Variants in MDN1 observed in about 807,000 individuals in gnomAD.
MDN1 encodes midasin AAA ATPase 1.
Under a neutral mutation model 669.2 loss-of-function variants are expected in MDN1, and 266 were observed. That is an observed-to-expected ratio of 0.40 (90% CI 0.36 to 0.44). MDN1 has a LOEUF of 0.44. MDN1 is among the 20% of genes least tolerant of loss of function. The probability of loss-of-function intolerance (pLI) is 1.00; values close to 1 mark genes in which losing one functional copy is unlikely to be tolerated. For synonymous variants in MDN1, 2,385 were observed against 2,457.1 expected, an observed-to-expected ratio of 0.97 and a Z score of 0.87; for missense variants, 5,940 against 6,754.0, an observed-to-expected ratio of 0.88 and a Z score of 4.22.
At chr6:89,781,301 A>C in intron 10 of MDN1, 98 bp downstream of exon 10, 1 of 1,247,758 alleles carries the variant, frequency 8.0e-7, no homozygotes. Context: ...GAGTGAGCCA[A>C]AACTGCACCA....
chr6:89,648,615 C>T (rs1239688404), intron 97 of MDN1, among the ~76,000 whole-genome samples: 1 of 151,834 alleles, frequency 6.6e-6, no homozygotes, highest in Non-Finnish European at 1.5e-5. Context: ...CACCTGTAAT[C>T]CCAGCACTTT....
chr6:89,802,426 T>C (rs1015778750), intron 2 of MDN1, among the ~76,000 whole-genome samples: 14 of 152,260 alleles, frequency 9.2e-5, no homozygotes, highest in Non-Finnish European at 2.9e-5. Context: ...GGCTCACGCC[T>C]GTAATCCCAA....
At chr6:89,817,887 C>G (rs1023270998) in intron 1 of MDN1, among the ~76,000 whole-genome samples, 6 of 152,174 alleles carry the variant, frequency 3.9e-5, no homozygotes, top group Non-Finnish European at 7.3e-5. Context: ...TTAGCAGCGT[C>G]CCTGGCCTTG....
At chr6:89,734,971 A>T (rs766254379) in intron 33 of MDN1, among the ~76,000 whole-genome samples, 12 of 150,870 alleles carry the variant, frequency 8.0e-5, no homozygotes, top group Non-Finnish European at 1.6e-4. Flanking sequence ...GCTCACGGCA[A>T]CCTCCACCTC....
chr6:89,785,266 T>C (rs1218981232), intron 8 of MDN1, 140 bp from the exon 9 acceptor site: 6 of 628,774 alleles, frequency 9.5e-6, no homozygotes, highest in South Asian at 5.8e-5. Context: ...TACTACACTG[T>C]TGGGCTTACA....
intron 34 of MDN1, 93 bp downstream of exon 34, chr6:89,732,464 A>G (rs1247640073): frequency 9.6e-7 from 1 of 1,037,472 alleles, no homozygotes; most frequent in East Asian, 2.4e-5. Flanking sequence ...GAAGTGATTC[A>G]GTAAAATAGC....
rs757467418 is a variant in MDN1 at position 89,714,553 on chromosome 6, G to C, written c.7059C>G (p.Ser2353Arg). 3.1e-6 allele frequency: 5 copies of C among 1,607,070 alleles called. No homozygotes were observed. In the Admixed American group the frequency reaches 8.5e-5, roughly 27 times the overall value. Residue 2353 changes from serine (S) to arginine (R), a missense_variant, in exon 46 of 102, where the codon AGC (serine) becomes AGG (arginine). Around this residue, in one of 5 missense-constraint regions of MDN1, gnomAD observed 2,292 missense variants for 2,638.3 expected, o/e 0.87. Transcript: ENST00000369393. The stretch of plus-strand genomic sequence containing the variant: ...AGTCAAGCACCTCACCTACAACAGT[G>C]CTCCGGGTCTCTGTGTGTAAAGCCA... ...ILLALHTETR[S>R]TVVGSPTSSV...
chr6:89,668,645 G>A (rs1483590903), intron 83 of MDN1, among the ~76,000 whole-genome samples: 4 of 152,166 alleles, frequency 2.6e-5, no homozygotes, highest in Non-Finnish European at 4.4e-5. Flanking sequence ...GTTTAATTTT[G>A]TAAGAGAAAA....
chr6:89,790,097 A>G (rs1819172917), intron 6 of MDN1, 62 bp downstream of exon 6: 5 of 1,609,228 alleles, frequency 3.1e-6, no homozygotes, highest in Non-Finnish European at 4.2e-6. Flanking sequence ...AGCAAAAGCA[A>G]TATTTTAATG....
At chr6:89,747,753 T>C (rs1309418028) in intron 26 of MDN1, among the ~76,000 whole-genome samples, 2 of 150,480 alleles carry the variant, frequency 1.3e-5, no homozygotes, top group East Asian at 2.0e-4. Flanking sequence ...TAGCCGGGCG[T>C]GGTGGCGGGT....
intron 56 of MDN1, 149 bp downstream of exon 56, chr6:89,700,497 A>G: frequency 1.3e-6 from 1 of 770,818 alleles, no homozygotes; most frequent in Non-Finnish European, 2.1e-6. Flanking sequence ...TGTGAAATTT[A>G]GTCCTATGCC....
chr6:89,670,143 T>C (rs1484030978), intron 83 of MDN1, among the ~76,000 whole-genome samples: 5 of 40,854 alleles, frequency 1.2e-4, no homozygotes, highest in African/African-American at 3.5e-4. Context: ...AAAAAACATA[T>C]ATATATATAT....
intron 67 of MDN1, 30 bp downstream of exon 67, chr6:89,688,048 C>T (rs2128307608): frequency 6.3e-7 from 1 of 1,578,930 alleles, no homozygotes; most frequent in East Asian, 2.2e-5. Context: ...TGACCACCAA[C>T]TAAAATGAGG....
At chr6:89,760,613 A>G (rs1421065800) in intron 17 of MDN1, among the ~76,000 whole-genome samples, 1 of 152,164 alleles carries the variant, frequency 6.6e-6, no homozygotes, top group East Asian at 1.9e-4. Flanking sequence ...AAAATGTTGT[A>G]TATATACATA....
chr6:89,781,528 T>C lies in MDN1; in HGVS notation c.1514A>G (p.Gln505Arg). Residue 505 changes from glutamine to arginine, a missense_variant, in exon 10 of 102, where the codon CAA (glutamine) becomes CGA (arginine). Physicochemically the swap from Gln to Arg is conservative, Grantham distance 43 (BLOSUM62 1). Coordinates refer to ENST00000369393, the MANE Select transcript of MDN1 (RefSeq NM_014611.3). ...VVDHLLDIYI[Q>R]LTGEKHHSWS... ...AGAGTGATGTTTCTCTCCAGTAAGT[T>C]GGATATAAATGTCAAGCAGGTGATC... is the stretch of plus-strand genomic sequence containing the variant. 1 of 1,613,682 alleles carries C rather than the reference T, an allele frequency of 6.2e-7. No homozygotes were observed. Among genetic ancestry groups the C allele is most frequent in the Non-Finnish European group, 8.5e-7 (1 of 1,179,698 alleles).
chr6:89,738,887 T>C (rs1407558912), intron 32 of MDN1, among the ~76,000 whole-genome samples: 1 of 152,138 alleles, frequency 6.6e-6, no homozygotes, highest in African/African-American at 2.4e-5. Flanking sequence ...TTTACATAGC[T>C]CAATGAGAGT....
At chr6:89,803,890 CT>C (rs370234875) in intron 1 of MDN1, among the ~76,000 whole-genome samples, 5,736 of 92,310 alleles carry the variant, frequency 0.062, 441 homozygotes, top group Middle Eastern at 0.13. Flanking sequence ...CTTTTCTTTT[CT>C]TTTCTTTTTT....
At chr6:89,670,171 T>TATATATATATATATATATATATA (rs1491299915) in intron 83 of MDN1, among the ~76,000 whole-genome samples, 2 of 13,002 alleles carry the variant, frequency 1.5e-4, no homozygotes, top group African/African-American at 3.3e-4. Flanking sequence ...TATATATATA[T>TATATATATATATATATATATATA]TTTTTTTTTT....
At chr6:89,748,258 G>A (rs550362471) in intron 26 of MDN1, among the ~76,000 whole-genome samples, 245 of 152,222 alleles carry the variant, frequency 1.6e-3, no homozygotes, top group African/African-American at 5.3e-3. Context: ...CCCGGGAGGC[G>A]GAGGTTGCAG....
Sources: allele counts gnomAD v4.1 joint callset (sites outside exome capture counted in the v4.1 genomes callset), GRCh38; gene constraint gnomAD v4.1.1; regional missense constraint gnomAD v4.1.1; transcripts MANE v1.5; gene names NCBI Gene and HGNC (gene_info 2026-07-23, HGNC 2026-07-21).